The following THUMPD2 variants were observed in gnomAD, a reference collection of about 807,000 sequenced individuals.
The protein encoded by THUMPD2 is U6 snRNA (guanine-N(2))-methyltransferase THUMPD2.
In THUMPD2, 56 loss-of-function variants were observed where a neutral mutation model predicts 49.4. That is an observed-to-expected ratio of 1.13 (90% confidence interval 0.91 to 1.41). The LOEUF (loss-of-function observed/expected upper bound fraction) is 1.41. Ranked by LOEUF, THUMPD2 falls within the 40% of genes most tolerant of loss-of-function variation. The pLI is 0.00. For synonymous variants in THUMPD2, 237 were observed against 205.2 expected (o/e 1.15, Z -1.32); for missense variants, 709 against 594.5 (o/e 1.19, Z -2.00).
rs997703496 is a variant in THUMPD2, at chr2:39,779,071, C to G, written c.126+43G>C. On this transcript the variant is annotated intron_variant, in intron 1 of 9. Transcript: ENST00000505747. ...ACTGGGGTGGGCAACAGGGCAGGGA[C>G]AGGGCCGCCCACCTCCCCAGGCGCG... The G allele has an allele frequency of 1.3e-5, 19 of 1,475,364 alleles. No individual in the cohort carries two copies. The Admixed American group carries it at 4.1e-4, about 32-fold the overall frequency. 91.4% of individuals were successfully genotyped at this position (1,475,364 alleles called of 1,614,324 possible).
At chr2:39,768,093 A>G (rs1431016454) in intron 4 of THUMPD2, among the ~76,000 whole-genome samples, 5 of 152,188 alleles carry the variant, frequency 3.3e-5, no homozygotes, top group African/African-American at 4.8e-5. Context: ...AATATTAGCT[A>G]AAATTTTTAA....
Position 39,779,137 on chromosome 2 carries a change from G to A in THUMPD2, c.103C>T (p.Arg35Trp). The change falls in exon 1 of 10, where the codon CGG (arginine) becomes TGG (tryptophan). Residue 35 changes from arginine (R) to tryptophan (W), a missense_variant. By Grantham distance (101) the Arg-to-Trp change is moderately radical. Transcript: ENST00000505747. ...GLEPFVMREV[R>W]ARLAATQVEY... ...ACCTGCGTGGCCGCCAGCCGCGCCCGCACCTCTCGCATTACGAACGGCTCC... is the reference window on the plus strand; with the variant it reads ...ACCTGCGTGGCCGCCAGCCGCGCCCACACCTCTCGCATTACGAACGGCTCC... 1 of 1,517,472 alleles carries A rather than the reference G, an allele frequency of 6.6e-7. No individual in the cohort carries two copies. Among genetic ancestry groups the A allele is most frequent in the Non-Finnish European group, 8.8e-7 (1 of 1,138,676 alleles). The allele number at this position is 1,517,472 out of a possible 1,614,324, so 94.0% of individuals were successfully genotyped here.
At chr2:39,746,310 C>T (rs963104488) in intron 8 of THUMPD2, among the ~76,000 whole-genome samples, 7 of 152,134 alleles carry the variant, frequency 4.6e-5, no homozygotes, top group Non-Finnish European at 1.5e-5. Flanking sequence ...AGCAGTGGTT[C>T]TCAAAGTGTG....
At chr2:39,737,359 A>G (rs1258727687) in intron 9 of THUMPD2, among the ~76,000 whole-genome samples, 1 of 152,236 alleles carries the variant, frequency 6.6e-6, no homozygotes, top group Non-Finnish European at 1.5e-5. Flanking sequence ...ACAGAATCCT[A>G]AAGACTGCAT....
At chr2:39,751,648 G>T (rs1413074656) in intron 8 of THUMPD2, among the ~76,000 whole-genome samples, 1 of 149,846 alleles carries the variant, frequency 6.7e-6, no homozygotes, top group South Asian at 2.1e-4. Flanking sequence ...TAAAACTTAG[G>T]AATAAATACA....
At chr2:39,758,297 A>T (rs186209071) in intron 6 of THUMPD2, among the ~76,000 whole-genome samples, 1 of 152,314 alleles carries the variant, frequency 6.6e-6, no homozygotes, top group East Asian at 1.9e-4. Context: ...CAAACAAAAA[A>T]AGAGAAAATC....
intron 6 of THUMPD2, among the ~76,000 whole-genome samples, chr2:39,758,806 A>T (rs544189688): frequency 7.5e-4 from 114 of 151,552 alleles, no homozygotes; most frequent in African/African-American, 2.7e-3. Flanking sequence ...AAAAAGGAGG[A>T]GGTCCCTCAG....
At chr2:39,756,064 A>G in intron 6 of THUMPD2, 104 bp from the exon 7 acceptor site, 14 of 1,063,672 alleles carry the variant, frequency 1.3e-5, no homozygotes, top group Non-Finnish European at 1.7e-5. Context: ...GAAAGATTAC[A>G]TTTTAAAGGG....
chr2:39,772,468 T>C (rs1678465701), intron 1 of THUMPD2, among the ~76,000 whole-genome samples: 1 of 151,974 alleles, frequency 6.6e-6, no homozygotes, highest in Admixed American at 6.6e-5. Context: ...GTTACTAAGG[T>C]AGAAATGATG....
At chr2:39,774,875 G>C (rs1445075592) in intron 1 of THUMPD2, among the ~76,000 whole-genome samples, 1 of 152,068 alleles carries the variant, frequency 6.6e-6, no homozygotes, top group Non-Finnish European at 1.5e-5. Context: ...CACTCCCGAA[G>C]ATGAAGTAAC....
At chr2:39,742,100 T>C (rs940738309) in intron 9 of THUMPD2, among the ~76,000 whole-genome samples, 4 of 152,094 alleles carry the variant, frequency 2.6e-5, no homozygotes, top group African/African-American at 7.2e-5. Context: ...TATTAAGTAA[T>C]AGAGCCAAGA....
In THUMPD2 at chr2:39,769,944, T is replaced by C; in HGVS notation, c.438A>G (p.Lys146=). ...KVGENEIIAK[K]LKIEQMQKIE... is the part of the protein sequence containing the mutation. Reference sequence around the variant, plus strand: ...TCTTTTGCATTTGTTCTATTTTTAATTTCTTTGCAATGATTTCATTTTCTC... The same window carrying C: ...TCTTTTGCATTTGTTCTATTTTTAACTTCTTTGCAATGATTTCATTTTCTC... Residue 146 remains lysine (K), a synonymous_variant, in exon 3 of 10, where the codon AAA becomes AAG. Transcript: ENST00000505747. 3.8e-6 allele frequency: 6 copies of C among 1,577,094 alleles called. No individual in the cohort carries two copies. The highest frequency in any genetic ancestry group is 4.3e-6 in the Non-Finnish European group (5 of 1,169,916).
chr2:39,756,678 C>G (rs1384518590), intron 6 of THUMPD2, among the ~76,000 whole-genome samples: 1 of 151,970 alleles, frequency 6.6e-6, no homozygotes, highest in South Asian at 2.1e-4. Context: ...TTCCTGAATA[C>G]AAATTATCAA....
intron 9 of THUMPD2, 61 bp from the exon 10 acceptor site, chr2:39,737,120 A>G (rs1673187522): frequency 7.0e-7 from 1 of 1,431,666 alleles, no homozygotes; most frequent in East Asian, 2.4e-5. Context: ...AAACAATCCC[A>G]CTTCATTTAA....
At chr2:39,738,300 C>T (rs1003368954) in intron 9 of THUMPD2, among the ~76,000 whole-genome samples, 33 of 152,184 alleles carry the variant, frequency 2.2e-4, no homozygotes, top group African/African-American at 7.7e-4. Context: ...TGGTGGCTCA[C>T]ACCTGTAATC....
intron 8 of THUMPD2, among the ~76,000 whole-genome samples, chr2:39,753,088 T>C (rs1675629927): frequency 6.6e-6 from 1 of 152,140 alleles, no homozygotes; most frequent in African/African-American, 2.4e-5. Flanking sequence ...ACAAAAAAAT[T>C]CTAACTTCTA....
At chr2:39,772,322 A>G (rs1678444678) in intron 1 of THUMPD2, among the ~76,000 whole-genome samples, 1 of 152,336 alleles carries the variant, frequency 6.6e-6, no homozygotes, top group Non-Finnish European at 1.5e-5. Context: ...AATTTTGAGT[A>G]CCACGAATGG....
intron 4 of THUMPD2, among the ~76,000 whole-genome samples, chr2:39,767,780 C>T (rs369959917): frequency 6.6e-6 from 1 of 151,944 alleles, no homozygotes; most frequent in East Asian, 1.9e-4. Context: ...TAAAACAACA[C>T]ACAATGTTCT....
chr2:39,750,824 T>C (rs1023280032), intron 8 of THUMPD2, among the ~76,000 whole-genome samples: 13 of 152,236 alleles, frequency 8.5e-5, no homozygotes, highest in Admixed American at 2.0e-4. Flanking sequence ...CACAGTAGGA[T>C]TGTAAATATC....
Sources: gnomAD v4.1 joint callset for allele counts (sites outside exome capture counted in the v4.1 genomes callset) on GRCh38, gnomAD v4.1.1 for gene constraint, MANE v1.5 for transcripts, NCBI Gene and HGNC (gene_info 2026-07-23, HGNC 2026-07-21) for gene names.